Variants in DENND4A observed in about 807,000 individuals in gnomAD.
DENND4A encodes the protein DENN domain containing 4A, also known as C-myc promoter-binding protein.
A neutral mutation model predicts 199.3 loss-of-function variants in DENND4A; 70 were observed. That is an observed-to-expected ratio of 0.35 (90% CI 0.29 to 0.43). The LOEUF is 0.43. Among genes scored for constraint, DENND4A ranks in the 20% least tolerant of loss-of-function variants. The probability of loss-of-function intolerance (pLI) is 1.00; values close to 1 mark genes in which losing one functional copy is unlikely to be tolerated. For missense variants in DENND4A, 1,723 were observed against 2,255.8 expected, an observed-to-expected ratio of 0.76 and a Z score of 4.78; for synonymous variants, 686 against 766.9, an observed-to-expected ratio of 0.89 and a Z score of 1.74.
rs756956171 is a variant in DENND4A, at chr15:65,785,325, G to GA, written c.-102+6684dup. On this transcript the variant is annotated intron_variant, in intron 1 of 32. Coordinates refer to ENST00000443035, the MANE Select transcript of DENND4A (RefSeq NM_001320835.1). ...ACATGGCAAAACCTAGTCTCTACAAGAAAAAAAAAAAAAAATTAGCCAGGA... is the reference window on the plus strand; with the variant it reads ...ACATGGCAAAACCTAGTCTCTACAAGAAAAAAAAAAAAAAAATTAGCCAGGA... Among the ~76,000 whole-genome samples the GA allele has an allele frequency of 1.5e-3, 195 of 129,490 alleles. 1 individual carries two copies. The highest frequency in any genetic ancestry group is 2.6e-3 in the African/African-American group (90 of 35,166). 85.0% of individuals were successfully genotyped at this position (129,490 alleles called of 152,430 possible). A position where few individuals can be genotyped will look rare whatever the true frequency, so the allele number is the denominator to read the frequency against.
chr15:65,785,120 T>C (rs1179389210), intron 1 of DENND4A, among the ~76,000 whole-genome samples: 1 of 150,584 alleles, frequency 6.6e-6, no homozygotes, highest in African/African-American at 2.4e-5. Flanking sequence ...AACGAGACTC[T>C]GTCTCAAAAA....
chr15:65,736,430 AT>A (rs71139429), intron 7 of DENND4A, among the ~76,000 whole-genome samples: 1,528 of 137,852 alleles, frequency 0.011, 14 homozygotes, highest in South Asian at 0.041. Context: ...TGGCTTTTGT[AT>A]TTTTTTTTTT....
chr15:65,720,924 A>G (rs973352824), intron 12 of DENND4A, among the ~76,000 whole-genome samples: 1 of 119,970 alleles, frequency 8.3e-6, no homozygotes, highest in Non-Finnish European at 1.8e-5. Flanking sequence ...CTTTCACAAA[A>G]GTTGAATGGG....
In DENND4A at chr15:65,756,182, C is replaced by T. The variant is rs1317662246; in HGVS notation, c.269G>A (p.Cys90Tyr). Residue 90 changes from cysteine (C) to tyrosine (Y), a missense_variant, in exon 3 of 33, where the codon TGC becomes TAC. This residue lies in a region of DENND4A where 725 missense variants were observed against 952.9 expected (regional missense o/e 0.76). Coordinates refer to ENST00000443035, the MANE Select transcript of DENND4A (RefSeq NM_001320835.1). ...GSLVGPQIYL[C>Y]YRRGRDKPPL... The stretch of plus-strand genomic sequence containing the variant: ...AGGCTTATCTCTTCCTCTTCTATAG[C>T]AAAGGTAAATCTGTGGCCCCACAAG... The T allele has an allele frequency of 6.2e-7, 1 of 1,611,178 alleles. No individual in the cohort carries two copies. The highest frequency in any genetic ancestry group is 1.1e-5 in the South Asian group (1 of 90,508).
Position 65,756,134 on chromosome 15 carries a change from A to T in DENND4A, c.311+6T>A, listed in dbSNP as rs2076696037. 1 of 1,587,708 alleles carries T rather than the reference A, an allele frequency of 6.3e-7. No individual in the cohort carries two copies. The highest frequency in any genetic ancestry group is 1.8e-5 in the Admixed American group (1 of 54,462). The stretch of plus-strand genomic sequence containing the variant: ...ATAACAGTAAGTCGTTTAAAAAAAT[A>T]CTTACCCCAGATCTGTAAGTGGAGG... On this transcript the variant is annotated splice_donor_region_variant and intron_variant, in intron 3 of 32. Coordinates refer to ENST00000443035, the MANE Select transcript of DENND4A (RefSeq NM_001320835.1).
At chr15:65,768,066 T>G (rs919727328) in intron 1 of DENND4A, among the ~76,000 whole-genome samples, 6 of 152,008 alleles carry the variant, frequency 3.9e-5, no homozygotes, top group African/African-American at 1.5e-4. Flanking sequence ...CAGTGTGGAG[T>G]GTAGTGGCAC....
intron 10 of DENND4A, 85 bp downstream of exon 10, chr15:65,729,449 T>G: frequency 1.3e-6 from 2 of 1,490,466 alleles, no homozygotes; most frequent in South Asian, 1.3e-5. Context: ...GAATTTTAGT[T>G]AAGTTATATT....
At chr15:65,763,619 T>C (rs568860256) in intron 1 of DENND4A, among the ~76,000 whole-genome samples, 1 of 142,500 alleles carries the variant, frequency 7.0e-6, no homozygotes, top group South Asian at 2.2e-4. Flanking sequence ...GAGGCTGCAG[T>C]GAGCCTTGTT....
chr15:65,767,476 T>C (rs1228900894), intron 1 of DENND4A: 1 of 152,172 alleles, frequency 6.6e-6, no homozygotes, highest in African/African-American at 2.4e-5. Context: ...AAAGACTCAT[T>C]CTGTCACCCA....
rs1246166960 is a variant in DENND4A at position 65,669,880 on chromosome 15, T to C, written c.4686A>G (p.Pro1562=). 6.2e-7 allele frequency: 1 copy of C among 1,613,918 alleles called. No individual in the cohort carries two copies. The highest frequency in any genetic ancestry group is 1.1e-5 in the South Asian group (1 of 91,080). The change falls in exon 27 of 33, where the codon CCA becomes CCG. Residue 1562 remains proline (P), a synonymous_variant. Transcript: ENST00000443035. The stretch of plus-strand genomic sequence containing the variant: ...GCCTCGTCTGACTTGAAATGGAGGA[T>C]GGAAAGTGCATATTTTCTGTTGATG... ...SSPSTENMHF[P]SSISSQTRQS...
At position 65,663,203 on chromosome 15, in the gene DENND4A, T is replaced by A. The variant is rs1205605902; in HGVS notation, c.5587+1127A>T. Among the ~76,000 whole-genome samples, 56 of 144,532 alleles carry A rather than the reference T, an allele frequency of 3.9e-4. 2 individuals carry two copies. Among genetic ancestry groups the A allele is most frequent in the East Asian group, 2.4e-3 (12 of 5,088 alleles). The allele number at this position is 144,532 out of a possible 152,430, so 94.8% of individuals were successfully genotyped here. On this transcript the variant is annotated intron_variant, in intron 32 of 32. Coordinates refer to ENST00000443035, the MANE Select transcript of DENND4A (RefSeq NM_001320835.1). ...ATATATATATATATATATATATTTT[T>A]TTTTTTTTATTTTTTTTTTTGGTTA...
intron 30 of DENND4A, chr15:65,664,950 T>C (rs1221034990): frequency 6.1e-6 from 3 of 494,246 alleles, no homozygotes; most frequent in African/African-American, 2.0e-5. Flanking sequence ...CTAAGAATAT[T>C]GTTTCCCTTA....
At chr15:65,717,162 T>C (rs1220910183) in intron 13 of DENND4A, among the ~76,000 whole-genome samples, 1 of 152,186 alleles carries the variant, frequency 6.6e-6, no homozygotes, top group Non-Finnish European at 1.5e-5. Flanking sequence ...ACTTTTTTTT[T>C]TGGCCATGTC....
Position 65,720,947 on chromosome 15 carries a change from T to TTATATATATATATA in DENND4A, c.1588+1887_1588+1900dup, listed in dbSNP as rs72498783. Among the ~76,000 whole-genome samples the TTATATATATATATA allele has an allele frequency of 6.0e-3, 459 of 76,010 alleles. 15 individuals carry two copies. The highest frequency in any genetic ancestry group is 8.9e-3 in the Middle Eastern group (1 of 112). 49.9% of individuals were successfully genotyped at this position (76,010 alleles called of 152,430 possible). A position where few individuals can be genotyped will look rare whatever the true frequency, so the allele number is the denominator to read the frequency against. ...AAAGTTGAATGGGCTGTTTCATTGA[T>TTATATATATATATA]TATATATATATATATATATATATAT... On this transcript the variant is annotated intron_variant, in intron 12 of 32. Coordinates refer to ENST00000443035, the MANE Select transcript of DENND4A (RefSeq NM_001320835.1).
intron 22 of DENND4A, among the ~76,000 whole-genome samples, chr15:65,693,103 C>T (rs1031824294): frequency 3.3e-5 from 5 of 152,184 alleles, no homozygotes; most frequent in African/African-American, 1.2e-4. Context: ...TAAGTTTACA[C>T]ACATGCTAAA....
intron 20 of DENND4A, among the ~76,000 whole-genome samples, chr15:65,698,517 A>T (rs7169497): frequency 0.018 from 2,769 of 152,168 alleles, 89 homozygotes; most frequent in African/African-American, 0.063. Flanking sequence ...ATATATGAAA[A>T]ATGTTTATAA....
intron 1 of DENND4A, chr15:65,766,675 A>G (rs1214095494): frequency 6.6e-6 from 1 of 152,224 alleles, no homozygotes; most frequent in Non-Finnish European, 1.5e-5. Flanking sequence ...TACTACACAC[A>G]GACATATATA....
At position 65,668,059 on chromosome 15, in the gene DENND4A, T is replaced by A. The variant is rs2076098676; in HGVS notation, c.4852A>T (p.Thr1618Ser). ...SIQIPANRSK[T>S]AMSKCPIFPM... ...AATATTGGACATTTAGACATAGCTG[T>A]TTTTGATCTATTAGCAGGGATCTGA... Residue 1618 changes from threonine to serine, a missense_variant, in exon 28 of 33, where the codon ACA becomes TCA. Thr to Ser is a moderately conservative substitution (Grantham distance 58). Coordinates refer to ENST00000443035, the MANE Select transcript of DENND4A (RefSeq NM_001320835.1). The A allele has an allele frequency of 6.2e-7, 1 of 1,611,156 alleles. No homozygotes were observed. Among genetic ancestry groups the A allele is most frequent in the Non-Finnish European group, 8.5e-7 (1 of 1,179,230 alleles).
At chr15:65,663,347 C>T (rs1408840593) in intron 32 of DENND4A, among the ~76,000 whole-genome samples, 2 of 151,426 alleles carry the variant, frequency 1.3e-5, no homozygotes, top group African/African-American at 2.4e-5. Flanking sequence ...GTAGCTGGGA[C>T]TACAGGCATG....
Sources: gnomAD v4.1 joint callset for allele counts (sites outside exome capture counted in the v4.1 genomes callset) on GRCh38, gnomAD v4.1.1 for gene constraint, gnomAD v4.1.1 regional missense constraint, MANE v1.5 for transcripts, NCBI Gene and HGNC (gene_info 2026-07-23, HGNC 2026-07-21) for gene names.